The following HDLBP variants were observed in gnomAD, a reference collection of about 807,000 sequenced individuals.
The protein encoded by HDLBP is high density lipoprotein binding protein, also known as vigilin.
HDLBP carries 30 observed loss-of-function variants against 137.3 expected under a neutral mutation model. The observed-to-expected ratio is 0.22, with a 90% CI of 0.16 to 0.30. The LOEUF (loss-of-function observed/expected upper bound fraction) is 0.30. HDLBP is among the 10% of genes least tolerant of loss of function. The pLI is 1.00. For synonymous variants in HDLBP, 606 were observed against 596.0 expected (o/e 1.02, Z -0.24); for missense variants, 1,119 against 1,667.3 (o/e 0.67, Z 5.73).
At chr2:241,247,563 T>C (rs955507244) in intron 14 of HDLBP, 1 of 280,262 alleles carries the variant, frequency 3.6e-6, no homozygotes, top group Non-Finnish European at 6.8e-6. Flanking sequence ...CGGAAATACA[T>C]GGCTGCCTGT....
chr2:241,235,561 G>C lies in HDLBP; in HGVS notation c.2938C>G (p.Pro980Ala), dbSNP rs1394910353. The change falls in exon 22 of 28, where the codon CCC (proline) becomes GCC (alanine). Residue 980 changes from proline (P) to alanine (A), a missense_variant. Physicochemically the swap from Pro to Ala is conservative, Grantham distance 27 (BLOSUM62 -1). Transcript: ENST00000310931. ...LVPVTIEVEVPFDLHRYVIGQ... is the reference protein window; with the variant it reads ...LVPVTIEVEVAFDLHRYVIGQ... ...ATAACGTAACGGTGAAGGTCAAAGG[G>C]CACCTCTACTTCAATGGTGACAGGA... 6.2e-7 allele frequency: 1 copy of C among 1,614,020 alleles called. No individual in the cohort carries two copies. The highest frequency in any genetic ancestry group is 1.7e-5 in the Admixed American group (1 of 60,020).
intron 1 of HDLBP, among the ~76,000 whole-genome samples, chr2:241,296,945 C>T (rs1396528880): frequency 1.3e-5 from 2 of 152,212 alleles, no homozygotes; most frequent in African/African-American, 2.4e-5. Flanking sequence ...CACGAGTGTG[C>T]GTCAGCACGA....
At position 241,291,981 on chromosome 2, in the gene HDLBP, T is replaced by C. The variant is rs546052995; in HGVS notation, c.-102-23440A>G. Among the ~76,000 whole-genome samples the C allele has an allele frequency of 1.2e-4, 19 of 152,310 alleles. No homozygotes were observed. In the East Asian group the frequency reaches 3.7e-3, roughly 29 times the overall value. On this transcript the variant is annotated intron_variant, in intron 1 of 27. Coordinates refer to ENST00000310931, the MANE Select transcript of HDLBP (RefSeq NM_005336.6). ...ACTGATTTCAGCCACAGTGTTGTAA[T>C]TTGGTACAGCAGCAATAGGAAAGTA...
At chr2:241,305,277 CTA>C (rs2075533120) in intron 1 of HDLBP, among the ~76,000 whole-genome samples, 1 of 152,222 alleles carries the variant, frequency 6.6e-6, no homozygotes, top group Non-Finnish European at 1.5e-5. Flanking sequence ...GCATGTGTCA[CTA>C]CACCCGGCTA....
Position 241,299,447 on chromosome 2 carries a change from G to T in HDLBP, c.-103+16123C>A, listed in dbSNP as rs13394280. 7.1e-3 allele frequency among the ~76,000 whole-genome samples: 1,003 copies of T among 142,126 alleles called. 12 individuals carry two copies. Among genetic ancestry groups the T allele is most frequent in the African/African-American group, 0.025 (945 of 37,806 alleles). The allele number at this position is 142,126 out of a possible 152,430, so 93.2% of individuals were successfully genotyped here. ...CAGGAGAATCACTACTTGAACCCAG[G>T]AGGCAGAGGTTGCAGTGAGCCAAGA... On this transcript the variant is annotated intron_variant, in intron 1 of 27. Transcript: ENST00000310931.
chr2:241,236,993 G>A lies in HDLBP; in HGVS notation c.2750-224C>T, dbSNP rs967257820. Among the ~76,000 whole-genome samples the A allele has an allele frequency of 9.9e-5, 13 of 131,804 alleles. 1 individual carries two copies. The highest frequency in any genetic ancestry group is 6.8e-4 in the Admixed American group (9 of 13,304). The allele number at this position is 131,804 out of a possible 152,430, so 86.5% of individuals were successfully genotyped here. On this transcript the variant is annotated intron_variant, in intron 20 of 27. Coordinates refer to ENST00000310931, the MANE Select transcript of HDLBP (RefSeq NM_005336.6). ...CCCAGACCTTGGGGGGGGGGGGGGGGGCGGCAATGAAGGCTTTGCCGGGAG... is the reference window on the plus strand; with the variant it reads ...CCCAGACCTTGGGGGGGGGGGGGGGAGCGGCAATGAAGGCTTTGCCGGGAG...
Position 241,230,750 on chromosome 2 carries a change from C to T in HDLBP, c.3474+9G>A. The T allele has an allele frequency of 6.2e-7, 1 of 1,612,748 alleles. No homozygotes were observed. The highest frequency in any genetic ancestry group is 8.5e-7 in the Non-Finnish European group (1 of 1,178,784). On this transcript the variant is annotated intron_variant, in intron 25 of 27. Coordinates refer to ENST00000310931, the MANE Select transcript of HDLBP (RefSeq NM_005336.6). This position sits in a 1 kb window ranked among gnomAD's most constrained non-coding sequence, Gnocchi z 5.0. ...GGATTCTCACCCACTGTGCTTCCAG[C>T]CGGCTCACCTTGAATTCGTCCATGA...
Position 241,240,251 on chromosome 2 carries a change from C to G in HDLBP, c.2170-129G>C. 1.2e-6 allele frequency: 1 copy of G among 831,892 alleles called. No individual in the cohort carries two copies. The highest frequency in any genetic ancestry group is 1.4e-5 in the South Asian group (1 of 69,294). 51.5% of individuals were successfully genotyped at this position (831,892 alleles called of 1,614,324 possible). The stretch of plus-strand genomic sequence containing the variant: ...TTGTCACCAGTGTCCTGATGTTGCA[C>G]CAATACCCCCAAAATGGGGCTAGCA... On this transcript the variant is annotated intron_variant, in intron 17 of 27. Coordinates refer to ENST00000310931, the MANE Select transcript of HDLBP (RefSeq NM_005336.6). This position sits in a 1 kb window ranked among gnomAD's most constrained non-coding sequence, Gnocchi z 5.5.
At chr2:241,267,867 T>C (rs2073797078) in intron 2 of HDLBP, 3 of 985,438 alleles carry the variant, frequency 3.0e-6, no homozygotes, top group Non-Finnish European at 3.6e-6. Flanking sequence ...CCAAGGGCGC[T>C]GAGTTTCTCA....
rs1229233972 is a variant in HDLBP, at chr2:241,235,480, A to G, written c.3009+10T>C. ...CTCCTGTGACATGGCCTCCCGGGAA[A>G]GGGGTCTACCTCAAACTCATCCATC... On this transcript the variant is annotated intron_variant, in intron 22 of 27. Transcript: ENST00000310931. 2 of 1,606,170 alleles carry G rather than the reference A, an allele frequency of 1.2e-6. No individual in the cohort carries two copies. The highest frequency in any genetic ancestry group is 1.7e-6 in the Non-Finnish European group (2 of 1,172,894).
intron 1 of HDLBP, among the ~76,000 whole-genome samples, chr2:241,299,505 CAA>C (rs11423330): frequency 0.034 from 1,692 of 49,374 alleles, 7 homozygotes; most frequent in African/African-American, 0.039. Flanking sequence ...GGCTCCGTCT[CAA>C]AAAAAAAAAA....
At chr2:241,257,274 T>C (rs547334886) in intron 5 of HDLBP, among the ~76,000 whole-genome samples, 2 of 152,322 alleles carry the variant, frequency 1.3e-5, no homozygotes, top group South Asian at 4.1e-4. Context: ...CGCTCTGACG[T>C]CAGGCTGGAG....
chr2:241,297,752 AAG>A (rs1160236061), intron 1 of HDLBP, among the ~76,000 whole-genome samples: 1 of 152,046 alleles, frequency 6.6e-6, no homozygotes, highest in African/African-American at 2.4e-5. Flanking sequence ...AGAGAAGAGA[AAG>A]AGACAGAGAA....
intron 1 of HDLBP, among the ~76,000 whole-genome samples, chr2:241,276,626 A>G (rs1367964114): frequency 2.0e-5 from 3 of 152,170 alleles, no homozygotes; most frequent in Non-Finnish European, 4.4e-5. Flanking sequence ...GAGATGGAAG[A>G]AGTACTCCGA....
In HDLBP at chr2:241,229,340, A is replaced by G. The variant is rs2069440264; in HGVS notation, c.*261T>C. 2.5e-6 allele frequency: 1 copy of G among 395,890 alleles called. No homozygotes were observed. The highest frequency in any genetic ancestry group is 2.1e-5 in the African/African-American group (1 of 48,268). 24.5% of individuals were successfully genotyped at this position (395,890 alleles called of 1,614,324 possible). ...TGACTGACATGCCGGGTGGACCAGG[A>G]GCTGGAGTCTGTTATCTTAGCACGA... On this transcript the variant is annotated 3_prime_UTR_variant, in exon 28 of 28. Coordinates refer to ENST00000310931, the MANE Select transcript of HDLBP (RefSeq NM_005336.6).
At chr2:241,259,228 A>G (rs1275317912) in intron 5 of HDLBP, among the ~76,000 whole-genome samples, 1 of 152,234 alleles carries the variant, frequency 6.6e-6, no homozygotes, top group Non-Finnish European at 1.5e-5. Context: ...GTGTATGGCA[A>G]GCTGTATTTT....
intron 1 of HDLBP, among the ~76,000 whole-genome samples, chr2:241,290,335 G>A (rs1288734205): frequency 6.6e-6 from 1 of 152,188 alleles, no homozygotes; most frequent in Non-Finnish European, 1.5e-5. Context: ...AAGAGGCCGG[G>A]TACAGTGGTT....
intron 1 of HDLBP, among the ~76,000 whole-genome samples, chr2:241,313,558 C>A (rs2075826970): frequency 6.6e-6 from 1 of 152,312 alleles, no homozygotes. Flanking sequence ...GGATTACAAG[C>A]GTGAGCCACT....
rs78770715 is a variant in HDLBP, at chr2:241,236,983, G to T, written c.2750-214C>A. On this transcript the variant is annotated intron_variant, in intron 20 of 27. Transcript: ENST00000310931. ...AAAGAGGGCTCCCAGACCTTGGGGG[G>T]GGGGGGGGGGGCGGCAATGAAGGCT... Among the ~76,000 whole-genome samples the T allele has an allele frequency of 4.9e-4, 53 of 107,392 alleles. 3 individuals are homozygous for T. The highest frequency in any genetic ancestry group is 4.0e-3 in the Admixed American group (37 of 9,364). The allele number at this position is 107,392 out of a possible 152,430, so 70.5% of individuals were successfully genotyped here. A position where few individuals can be genotyped will look rare whatever the true frequency, so the allele number is the denominator to read the frequency against.
Sources: allele counts gnomAD v4.1 joint callset (sites outside exome capture counted in the v4.1 genomes callset), GRCh38; gene constraint gnomAD v4.1.1; non-coding constraint Gnocchi (gnomAD v3.1); transcripts MANE v1.5; gene names NCBI Gene and HGNC (gene_info 2026-07-23, HGNC 2026-07-21).